ZNF215: variants seen among roughly 807,000 people sequenced by gnomAD.
The protein encoded by ZNF215 is zinc finger protein 215.
A neutral mutation model predicts 27.2 loss-of-function variants in ZNF215; 24 were observed. That is an observed-to-expected ratio of 0.88 (90% CI 0.64 to 1.24). The LOEUF (loss-of-function observed/expected upper bound fraction) is 1.24. ZNF215 is among the 50% of genes most tolerant of loss of function. The pLI, the probability that ZNF215 is intolerant of heterozygous loss-of-function variation, is 0.00. For synonymous variants in ZNF215, 210 were observed against 204.0 expected (o/e 1.03, Z -0.25); for missense variants, 675 against 605.7 (o/e 1.11, Z -1.20).
rs533517418 is a variant in ZNF215, at chr11:6,954,251, A to G, written c.713-1439A>G. On this transcript the variant is annotated intron_variant, in intron 6 of 6. Coordinates refer to ENST00000278319, the MANE Select transcript of ZNF215 (RefSeq NM_013250.4). ...TCTCCAGCTGCGTGCTGGGAGAACC[A>G]CCGCTCTCTTCAAAGCTGTCAGACA... Among the ~76,000 whole-genome samples the G allele has an allele frequency of 2.2e-4, 34 of 152,314 alleles. 2 individuals are homozygous for G. The South Asian group carries it at 5.8e-3, about 26-fold the overall frequency.
chr11:6,955,061 A>G (rs1001155571), intron 6 of ZNF215, among the ~76,000 whole-genome samples: 16 of 152,320 alleles, frequency 1.1e-4, no homozygotes, highest in African/African-American at 3.4e-4. Context: ...AATTCTAGGA[A>G]GTACAGTAGA....
At chr11:6,955,288 G>A (rs574507018) in intron 6 of ZNF215, among the ~76,000 whole-genome samples, 2 of 152,268 alleles carry the variant, frequency 1.3e-5, no homozygotes, top group African/African-American at 4.8e-5. Context: ...TATTACTGGT[G>A]TTTTATAGAA....
intron 2 of ZNF215, among the ~76,000 whole-genome samples, chr11:6,928,512 ACT>A (rs1293318034): frequency 3.3e-5 from 5 of 151,562 alleles, no homozygotes; most frequent in African/African-American, 9.7e-5. Context: ...AATTCACTAA[ACT>A]CTTGAATATT....
chr11:6,981,479 G>A (rs1488184763), intron 5 of ZNF215, among the ~76,000 whole-genome samples: 1 of 152,068 alleles, frequency 6.6e-6, no homozygotes, highest in African/African-American at 2.4e-5. Context: ...TTGTAAATTT[G>A]TTTGAGTTCA....
chr11:6,984,061 G>C (rs1433262569), intron 5 of ZNF215: 1 of 379,588 alleles, frequency 2.6e-6, no homozygotes, highest in Non-Finnish European at 5.1e-6. Context: ...TATCTTTGGG[G>C]GTATGAAGTG....
chr11:6,969,085 G>A lies in ZNF215; in HGVS notation c.805+13303G>A, dbSNP rs181587370. ...TTCTTCCTAATAAACTGGGTACTTT[G>A]GTGTTGAATCACTGGATTTGATTCA... On this transcript the variant is annotated intron_variant, in intron 5 of 5. Coordinates refer to the ZNF215 transcript ENST00000529903. 1.7e-3 allele frequency among the ~76,000 whole-genome samples: 256 copies of A among 152,038 alleles called. 2 individuals are homozygous for A. The highest frequency in any genetic ancestry group is 6.0e-3 in the African/African-American group (250 of 41,458).
chr11:6,960,266 G>C (rs1178036444), downstream of ZNF215, among the ~76,000 whole-genome samples: 1 of 152,068 alleles, frequency 6.6e-6, no homozygotes, highest in African/African-American at 2.4e-5. Context: ...AATATATATT[G>C]AGAGCGTTTA....
downstream of ZNF215, among the ~76,000 whole-genome samples, chr11:6,961,780 A>AT (rs1051378652): frequency 3.9e-5 from 6 of 152,024 alleles, no homozygotes; most frequent in Non-Finnish European, 5.9e-5. Context: ...TTTAAAAATC[A>AT]TTTTTTTCCA....
At chr11:6,951,603 G>C (rs1278546194) in intron 6 of ZNF215, among the ~76,000 whole-genome samples, 1 of 152,074 alleles carries the variant, frequency 6.6e-6, no homozygotes, top group Non-Finnish European at 1.5e-5. Context: ...TTTTTATTGA[G>C]TCTATCAGAG....
chr11:6,957,328 T>C lies in ZNF215; in HGVS notation c.*797T>C, dbSNP rs142796261. The C allele has an allele frequency of 1.8e-3, 506 of 282,632 alleles. 2 individuals carry two copies. The highest frequency in any genetic ancestry group is 0.011 in the African/African-American group (486 of 43,812). The allele number at this position is 282,632 out of a possible 1,614,324, so 17.5% of individuals were successfully genotyped here. On this transcript the variant is annotated 3_prime_UTR_variant, in exon 7 of 7. Coordinates refer to ENST00000278319, the MANE Select transcript of ZNF215 (RefSeq NM_013250.4). ...GTGCTCCAGTTTCAAACCCCAAAGA[T>C]GTATACATTAGGTTAATTGACATAT...
chr11:6,947,427 T>C (rs766238057), intron 6 of ZNF215, among the ~76,000 whole-genome samples: 34 of 152,158 alleles, frequency 2.2e-4, no homozygotes, highest in Middle Eastern at 3.4e-3. Context: ...TGGTGGTGCA[T>C]ACCTGTAATC....
intron 4 of ZNF215, among the ~76,000 whole-genome samples, chr11:6,942,392 A>G (rs1415087393): frequency 1.3e-5 from 2 of 152,226 alleles, no homozygotes; most frequent in African/African-American, 2.4e-5. Context: ...AATATGCCAG[A>G]TACTGTTCTG....
At chr11:6,940,864 T>C in intron 3 of ZNF215, among the ~76,000 whole-genome samples, 1 of 152,138 alleles carries the variant, frequency 6.6e-6, no homozygotes, top group Non-Finnish European at 1.5e-5. Flanking sequence ...AAGTCCCTTA[T>C]ATTGAATAAA....
At chr11:6,942,009 G>T (rs1849648134) in intron 4 of ZNF215, among the ~76,000 whole-genome samples, 1 of 152,160 alleles carries the variant, frequency 6.6e-6, no homozygotes, top group African/African-American at 2.4e-5. Context: ...AGGACCAAAA[G>T]ATGTAGGGGA....
intron 5 of ZNF215, among the ~76,000 whole-genome samples, chr11:6,974,012 G>A (rs897171748): frequency 9.9e-5 from 15 of 151,894 alleles, no homozygotes; most frequent in African/African-American, 2.9e-4. Context: ...TTCTTCTAGG[G>A]TTTTTATGGT....
At chr11:6,987,092 C>T (rs2133363170), downstream of ZNF215, among the ~76,000 whole-genome samples, 1 of 152,248 alleles carries the variant, frequency 6.6e-6, no homozygotes, top group Non-Finnish European at 1.5e-5. Flanking sequence ...CCCATATGTT[C>T]ATTGCAGAAC....
intron 6 of ZNF215, among the ~76,000 whole-genome samples, chr11:6,950,011 T>C (rs1368304694): frequency 2.6e-5 from 4 of 151,924 alleles, no homozygotes; most frequent in Admixed American, 2.6e-4. Context: ...ATTGCTTGTT[T>C]TTGTCAGGTT....
intron 3 of ZNF215, 26 bp downstream of exon 3, chr11:6,932,698 A>G: frequency 6.4e-7 from 1 of 1,569,100 alleles, no homozygotes; most frequent in South Asian, 1.2e-5. Flanking sequence ...AATTAGAGGT[A>G]AAATACTTGA....
intron 5 of ZNF215, among the ~76,000 whole-genome samples, chr11:6,967,011 C>T (rs980557801): frequency 6.6e-6 from 1 of 151,934 alleles, no homozygotes; most frequent in African/African-American, 2.4e-5. Flanking sequence ...CTCCCTGTGT[C>T]CATGTGTTCT....
Sources: allele counts gnomAD v4.1 joint callset (sites outside exome capture counted in the v4.1 genomes callset), GRCh38; gene constraint gnomAD v4.1.1; transcripts MANE v1.5; gene names NCBI Gene and HGNC (gene_info 2026-07-23, HGNC 2026-07-21).